SLC17A6: variants seen among roughly 807,000 people sequenced by gnomAD.
SLC17A6 encodes the protein solute carrier family 17 member 6, also known as vesicular glutamate transporter 2.
Under a neutral mutation model 67.1 loss-of-function variants are expected in SLC17A6, and 35 were observed. The observed-to-expected ratio is 0.52, with a 90% CI of 0.40 to 0.69. The LOEUF (loss-of-function observed/expected upper bound fraction) is 0.69, where lower values mean the gene tolerates loss of function less well. SLC17A6 is among the 30% of genes least tolerant of loss of function. The pLI is 0.00. For missense variants in SLC17A6, 588 were observed against 723.9 expected (o/e 0.81, Z 2.15); for synonymous variants, 285 against 252.3 (o/e 1.13, Z -1.23).
Position 22,374,758 on chromosome 11 carries a change from G to T in SLC17A6, c.1045G>T (p.Gly349Cys). ...EVFGFEISKVGMLSAVPHLVM... is the reference protein window; with the variant it reads ...EVFGFEISKVCMLSAVPHLVM... The stretch of plus-strand genomic sequence containing the variant: ...CTCCCTTCTTGTTTTTCATCAGGTT[G>T]GTATGCTATCTGCTGTGCCACACTT... The change falls in exon 9 of 12, where the codon GGT becomes TGT. Residue 349 changes from glycine to cysteine, a missense_variant. By Grantham distance (159) the Gly-to-Cys change is radical. This residue lies in a region of SLC17A6 where 414 missense variants were observed against 563.4 expected (regional missense o/e 0.73). Transcript: ENST00000263160. The T allele has an allele frequency of 6.2e-7, 1 of 1,600,446 alleles. No homozygotes were observed. The highest frequency in any genetic ancestry group is 8.5e-7 in the Non-Finnish European group (1 of 1,174,718).
At chr11:22,353,351 A>C (rs1317185146) in intron 3 of SLC17A6, among the ~76,000 whole-genome samples, 4 of 151,992 alleles carry the variant, frequency 2.6e-5, no homozygotes, top group Admixed American at 6.6e-5. Context: ...TGTAACCAAA[A>C]CAAAACAAAA....
intron 3 of SLC17A6, among the ~76,000 whole-genome samples, chr11:22,351,293 G>A (rs1246289948): frequency 1.3e-5 from 2 of 151,998 alleles, no homozygotes; most frequent in African/African-American, 2.4e-5. Context: ...CATGTGGATA[G>A]ATTGTGTAAT....
At chr11:22,375,127 C>T (rs1456473242) in intron 9 of SLC17A6, among the ~76,000 whole-genome samples, 1 of 152,060 alleles carries the variant, frequency 6.6e-6, no homozygotes, top group African/African-American at 2.4e-5. Context: ...AATCCCAGCA[C>T]TTTGGGAGGC....
chr11:22,372,873 A>C (rs1856190428), intron 8 of SLC17A6, among the ~76,000 whole-genome samples: 1 of 152,196 alleles, frequency 6.6e-6, no homozygotes, highest in South Asian at 2.1e-4. Context: ...ATAAGTCCCC[A>C]AAAGCCAAGA....
At chr11:22,362,402 G>A (rs1354345154) in intron 5 of SLC17A6, 6 of 357,184 alleles carry the variant, frequency 1.7e-5, no homozygotes, top group Non-Finnish European at 3.2e-5. Context: ...TAGATTTTAG[G>A]TGTCTGGTTA....
At chr11:22,366,638 T>C (rs566215131) in intron 7 of SLC17A6, among the ~76,000 whole-genome samples, 1 of 152,304 alleles carries the variant, frequency 6.6e-6, no homozygotes, top group African/African-American at 2.4e-5. Context: ...AAATGTTTTA[T>C]TCCACATAAC....
Position 22,377,354 on chromosome 11 carries a change from G to A in SLC17A6, c.1414-51G>A, listed in dbSNP as rs369212595. On this transcript the variant is annotated intron_variant, in intron 11 of 11. Coordinates refer to ENST00000263160, the MANE Select transcript of SLC17A6 (RefSeq NM_020346.3). Reference sequence around the variant, plus strand: ...GGTGCATTCAGAGAAGATGTTAGGCGTTTAAATCATGGGGAGTCAGTTCTC... The same window carrying A: ...GGTGCATTCAGAGAAGATGTTAGGCATTTAAATCATGGGGAGTCAGTTCTC... 546 of 1,493,510 alleles carry A rather than the reference G, an allele frequency of 3.7e-4. 2 individuals are homozygous for A. The highest frequency in any genetic ancestry group is 9.8e-4 in the East Asian group (43 of 43,930). The allele number at this position is 1,493,510 out of a possible 1,614,324, so 92.5% of individuals were successfully genotyped here.
intron 3 of SLC17A6, among the ~76,000 whole-genome samples, chr11:22,350,193 A>G (rs938411936): frequency 6.6e-6 from 1 of 152,214 alleles, no homozygotes; most frequent in Non-Finnish European, 1.5e-5. Context: ...ACAGGTTTTC[A>G]GCAGCTGCAT....
intron 10 of SLC17A6, 74 bp downstream of exon 10, chr11:22,376,166 C>A (rs1419347236): frequency 2.1e-5 from 19 of 889,980 alleles, no homozygotes; most frequent in African/African-American, 1.3e-4. Context: ...CATACATATA[C>A]CTTTTTATAG....
chr11:22,353,669 A>T (rs1277878933), intron 3 of SLC17A6, among the ~76,000 whole-genome samples: 1 of 152,210 alleles, frequency 6.6e-6, no homozygotes, highest in Admixed American at 6.5e-5. Context: ...TTCATTTTTG[A>T]TCTAACAATC....
chr11:22,339,155 A>ATATATATATGTTATATATATATGTTT lies in SLC17A6; in HGVS notation c.86+546_86+571dup, dbSNP rs1564976511. ...TTATATATATATGTTATATATAGTT[A>ATATATATATGTTATATATATATGTTT]TATATATATGTTATATATATATGTT... On this transcript the variant is annotated intron_variant, in intron 1 of 11. Coordinates refer to ENST00000263160, the MANE Select transcript of SLC17A6 (RefSeq NM_020346.3). Among the ~76,000 whole-genome samples the ATATATATATGTTATATATATATGTTT allele has an allele frequency of 5.2e-4, 15 of 28,710 alleles. 3 individuals carry two copies. The highest frequency in any genetic ancestry group is 7.7e-4 in the Non-Finnish European group (13 of 16,968). 18.8% of individuals were successfully genotyped at this position (28,710 alleles called of 152,430 possible). A position where few individuals can be genotyped will look rare whatever the true frequency, so the allele number is the denominator to read the frequency against.
At chr11:22,341,502 T>G (rs1207885108) in intron 1 of SLC17A6, 26 bp from the exon 2 acceptor site, 1 of 1,605,830 alleles carries the variant, frequency 6.2e-7, no homozygotes, top group Admixed American at 1.7e-5. Flanking sequence ...GCCAAGTCCT[T>G]GACTCGCCCC....
At position 22,376,043 on chromosome 11, in the gene SLC17A6, A is replaced by T. The variant is rs758717807; in HGVS notation, c.1236A>T (p.Ala412=). ...GCTATTCTCATACTAGAGGGGTAGC[A>T]ATCTCATTCTTGGTACTTGCAGTGG... ...VVGYSHTRGV[A]ISFLVLAVGF... Residue 412 remains alanine (A), a synonymous_variant, in exon 10 of 12, where the codon GCA becomes GCT. Transcript: ENST00000263160. 1.2e-6 allele frequency: 2 copies of T among 1,612,592 alleles called. No homozygotes were observed. The highest frequency in any genetic ancestry group is 4.5e-5 in the East Asian group (2 of 44,836).
At chr11:22,339,518 G>A (rs1235857598) in intron 1 of SLC17A6, among the ~76,000 whole-genome samples, 1 of 151,968 alleles carries the variant, frequency 6.6e-6, no homozygotes, top group Non-Finnish European at 1.5e-5. Flanking sequence ...TACTAATTAT[G>A]CTGTAATTTG....
intron 3 of SLC17A6, among the ~76,000 whole-genome samples, chr11:22,349,442 A>G (rs1014521786): frequency 6.6e-6 from 1 of 152,168 alleles, no homozygotes. Flanking sequence ...CCATAAGATG[A>G]ATAGATGGAT....
At chr11:22,374,945 G>A (rs1856216471) in intron 9 of SLC17A6, 58 bp downstream of exon 9, 4 of 1,469,494 alleles carry the variant, frequency 2.7e-6, no homozygotes, top group African/African-American at 1.4e-5. Context: ...TAACCTACAT[G>A]AGAGAATAAC....
Position 22,338,450 on chromosome 11 carries a change from A to T in SLC17A6, c.-84A>T. 4 of 971,552 alleles carry T rather than the reference A, an allele frequency of 4.1e-6. No individual in the cohort carries two copies. The South Asian group carries it at 5.9e-5, about 14-fold the overall frequency. 60.2% of individuals were successfully genotyped at this position (971,552 alleles called of 1,614,324 possible). ...AGGAAAAGCCCGCAACTACTTTAAG[A>T]GATTAAGACAATATGCGCAATCCTC... On this transcript the variant is annotated 5_prime_UTR_variant, in exon 1 of 12. Coordinates refer to ENST00000263160, the MANE Select transcript of SLC17A6 (RefSeq NM_020346.3).
chr11:22,378,061 A>C lies in SLC17A6; in HGVS notation c.*321A>C. 1.2e-5 allele frequency: 4 copies of C among 331,946 alleles called. No homozygotes were observed. The highest frequency in any genetic ancestry group is 9.4e-5 in the East Asian group (2 of 21,376). 20.6% of individuals were successfully genotyped at this position (331,946 alleles called of 1,614,324 possible). ...ACTATTTACTAAAGCACAACATCTC[A>C]TCCTACAAAAGTTAAGAAGCCAAAG... On this transcript the variant is annotated 3_prime_UTR_variant, in exon 12 of 12. Coordinates refer to ENST00000263160, the MANE Select transcript of SLC17A6 (RefSeq NM_020346.3).
intron 3 of SLC17A6, among the ~76,000 whole-genome samples, chr11:22,354,591 A>G (rs1431183226): frequency 2.0e-5 from 3 of 152,174 alleles, no homozygotes; most frequent in Non-Finnish European, 4.4e-5. Context: ...TAAAATTTTC[A>G]TCTTTCAAAG....
Sources: allele counts gnomAD v4.1 joint callset (sites outside exome capture counted in the v4.1 genomes callset), GRCh38; gene constraint gnomAD v4.1.1; regional missense constraint gnomAD v4.1.1; transcripts MANE v1.5; gene names NCBI Gene and HGNC (gene_info 2026-07-23, HGNC 2026-07-21).